OXR1: variants seen among roughly 807,000 people sequenced by gnomAD.
The protein encoded by OXR1 is oxidation resistance protein 1.
Under a neutral mutation model 104.6 loss-of-function variants are expected in OXR1, and 41 were observed. The observed-to-expected ratio is 0.39, with a 90% CI of 0.31 to 0.51. The LOEUF (loss-of-function observed/expected upper bound fraction) is 0.51. Among genes scored for constraint, OXR1 ranks in the 20% least tolerant of loss-of-function variants. The pLI is 0.77. For missense variants in OXR1, 955 were observed against 1,031.9 expected (o/e 0.93, Z 1.02); for synonymous variants, 348 against 348.4 (o/e 1.00, Z 0.01).
At chr8:106,684,858 C>T (rs565062800) in intron 6 of OXR1, among the ~76,000 whole-genome samples, 84 of 152,250 alleles carry the variant, frequency 5.5e-4, no homozygotes, top group South Asian at 1.4e-3. Context: ...TAATAACTTA[C>T]ATTTTACAAA....
At chr8:106,396,701 CT>C (rs1817797535) in intron 2 of OXR1, among the ~76,000 whole-genome samples, 1 of 151,796 alleles carries the variant, frequency 6.6e-6, no homozygotes. Flanking sequence ...AGTAATTGTG[CT>C]TTTTGCCATT....
At chr8:106,584,848 A>G (rs930612527) in intron 3 of OXR1, among the ~76,000 whole-genome samples, 2 of 152,112 alleles carry the variant, frequency 1.3e-5, no homozygotes, top group Non-Finnish European at 2.9e-5. Context: ...CCACATAAAA[A>G]CAGTCTAGGC....
intron 6 of OXR1, among the ~76,000 whole-genome samples, chr8:106,689,187 T>C (rs1308017154): frequency 3.9e-5 from 6 of 152,230 alleles, no homozygotes; most frequent in Admixed American, 3.3e-4. Context: ...TTGAAACTTG[T>C]AGAGGAGAAT....
In OXR1 at chr8:106,270,302, G is replaced by A. The variant is rs1200919339; in HGVS notation, c.-204G>A. The A allele has an allele frequency of 6.6e-6, 1 of 152,436 alleles. No homozygotes were observed. Among genetic ancestry groups the A allele is most frequent in the Non-Finnish European group, 1.5e-5 (1 of 68,410 alleles). 9.4% of individuals were successfully genotyped at this position (152,436 alleles called of 1,614,324 possible). ...GCGCCGCGCCGCCCAGCCCCGCCGA[G>A]AGGGGCGCACTCGCCGCCGCGGGGC... is the stretch of plus-strand genomic sequence containing the variant. On this transcript the variant is annotated 5_prime_UTR_variant, in exon 1 of 17. Coordinates refer to ENST00000517566, the MANE Select transcript of OXR1 (RefSeq NM_001198533.2).
At chr8:106,703,661 G>A (rs892872718) in intron 8 of OXR1, among the ~76,000 whole-genome samples, 2 of 152,068 alleles carry the variant, frequency 1.3e-5, no homozygotes, top group African/African-American at 4.8e-5. Context: ...GGATTTGTGT[G>A]ATATGTTAAG....
At chr8:106,357,112 A>G (rs1380216680) in intron 1 of OXR1, among the ~76,000 whole-genome samples, 1 of 152,142 alleles carries the variant, frequency 6.6e-6, no homozygotes, top group Non-Finnish European at 1.5e-5. Context: ...GAAAATAACA[A>G]CATCCAGATA....
chr8:106,334,391 T>C (rs1814863742), intron 1 of OXR1, among the ~76,000 whole-genome samples: 1 of 152,174 alleles, frequency 6.6e-6, no homozygotes, highest in African/African-American at 2.4e-5. Flanking sequence ...TCTGCAAGTA[T>C]TTTTACTTTT....
chr8:106,512,467 T>C, intron 2 of OXR1, among the ~76,000 whole-genome samples: 1 of 152,196 alleles, frequency 6.6e-6, no homozygotes, highest in East Asian at 1.9e-4. Context: ...CTGTTTTTTT[T>C]TCCAGACAAC....
At chr8:106,637,761 CTTTTTTT>C (rs71307078) in intron 3 of OXR1, among the ~76,000 whole-genome samples, 1 of 128,408 alleles carries the variant, frequency 7.8e-6, no homozygotes. Flanking sequence ...ATAGTTTCGA[CTTTTTTT>C]TTTTTTTTTT....
intron 3 of OXR1, among the ~76,000 whole-genome samples, chr8:106,607,320 A>G (rs1451405180): frequency 6.6e-6 from 1 of 152,178 alleles, no homozygotes; most frequent in African/African-American, 2.4e-5. Flanking sequence ...CAGAATTCAA[A>G]TGACCATTTT....
At chr8:106,331,838 G>A (rs1586533135) in intron 1 of OXR1, among the ~76,000 whole-genome samples, 1 of 152,054 alleles carries the variant, frequency 6.6e-6, no homozygotes, top group Non-Finnish European at 1.5e-5. Context: ...TATGCAGGAG[G>A]CTGAGGCGTG....
At position 106,737,529 on chromosome 8, in the gene OXR1, G is replaced by A; in HGVS notation, c.1966G>A (p.Val656Met). 1 of 1,265,164 alleles carries A rather than the reference G, an allele frequency of 7.9e-7. No homozygotes were observed. The allele number at this position is 1,265,164 out of a possible 1,614,324, so 78.4% of individuals were successfully genotyped here. Residue 656 changes from valine (V) to methionine (M), a missense_variant, in exon 12 of 17, where the codon GTG becomes ATG. This residue lies in a region of OXR1 where 849 missense variants were observed against 852.9 expected (regional missense o/e 1.00). Coordinates refer to ENST00000517566, the MANE Select transcript of OXR1 (RefSeq NM_001198533.2). ...AAAREWEVVSVAEYHRRIDAL... is the reference protein window; with the variant it reads ...AAAREWEVVSMAEYHRRIDAL... The stretch of plus-strand genomic sequence containing the variant: ...CTGTCTCCATATTTAGGTAGTGTCA[G>A]TGGCTGAGTATCACCGCAGGATCGA...
chr8:106,296,155 C>A (rs1297602778), intron 1 of OXR1, among the ~76,000 whole-genome samples: 1 of 152,160 alleles, frequency 6.6e-6, no homozygotes, highest in East Asian at 1.9e-4. Context: ...TTCTTCGAGT[C>A]TCATGGGCTT....
intron 11 of OXR1, among the ~76,000 whole-genome samples, chr8:106,724,575 A>G (rs997834529): frequency 1.3e-5 from 2 of 152,320 alleles, no homozygotes; most frequent in Middle Eastern, 3.4e-3. Flanking sequence ...TAGAAATGCA[A>G]ATTCTCAGAC....
chr8:106,422,282 C>T (rs566634457), intron 2 of OXR1, among the ~76,000 whole-genome samples: 2 of 152,090 alleles, frequency 1.3e-5, no homozygotes, highest in Admixed American at 1.3e-4. Context: ...TACAAAGATA[C>T]AAAGTCTGTG....
At chr8:106,366,857 G>A (rs1816490016) in intron 2 of OXR1, among the ~76,000 whole-genome samples, 1 of 150,924 alleles carries the variant, frequency 6.6e-6, no homozygotes, top group South Asian at 2.1e-4. Context: ...CATAAATTAA[G>A]AGAAAATAAC....
chr8:106,361,756 G>A (rs150947467), intron 2 of OXR1, among the ~76,000 whole-genome samples: 88 of 152,000 alleles, frequency 5.8e-4, no homozygotes, highest in Non-Finnish European at 1.0e-3. Flanking sequence ...GTCCCTCATC[G>A]GGCTCTCTGT....
intron 3 of OXR1, among the ~76,000 whole-genome samples, chr8:106,530,107 A>T (rs936716970): frequency 6.6e-6 from 1 of 152,208 alleles, no homozygotes; most frequent in African/African-American, 2.4e-5. Context: ...ACATTTATAG[A>T]TAGAACTAAT....
At chr8:106,535,643 A>G (rs1463411458) in intron 3 of OXR1, among the ~76,000 whole-genome samples, 2 of 152,216 alleles carry the variant, frequency 1.3e-5, no homozygotes, top group African/African-American at 4.8e-5. Context: ...TGAAATTTAC[A>G]TCATTTCCTG....
Sources: gnomAD v4.1 joint callset for allele counts (sites outside exome capture counted in the v4.1 genomes callset) on GRCh38, gnomAD v4.1.1 for gene constraint, gnomAD v4.1.1 regional missense constraint, MANE v1.5 for transcripts, NCBI Gene and HGNC (gene_info 2026-07-23, HGNC 2026-07-21) for gene names.